The following KIF25 variants were observed in gnomAD, a reference collection of about 807,000 sequenced individuals.
KIF25 encodes the protein kinesin family member 25.
Under a neutral mutation model 32.9 loss-of-function variants are expected in KIF25, and 19 were observed. The ratio of observed to expected loss-of-function variants is 0.58; its 90% confidence interval spans 0.40 to 0.85. KIF25 has a LOEUF of 0.85. Ranked by LOEUF, KIF25 falls within the 40% of genes least tolerant of loss-of-function variation. The probability of loss-of-function intolerance (pLI) is 0.00; values close to 1 mark genes in which losing one functional copy is unlikely to be tolerated. For missense variants in KIF25, 485 were observed against 507.0 expected (o/e 0.96, Z 0.42); for synonymous variants, 225 against 213.7 (o/e 1.05, Z -0.46).
chr6:168,021,660 T>C (rs971368402), intron 5 of KIF25, among the ~76,000 whole-genome samples: 3 of 152,200 alleles, frequency 2.0e-5, no homozygotes, highest in Non-Finnish European at 4.4e-5. Flanking sequence ...ATCCTGAAAC[T>C]CCAAACCCAT....
chr6:168,005,224 C>A (rs541438375), intron 4 of KIF25, among the ~76,000 whole-genome samples: 25 of 152,260 alleles, frequency 1.6e-4, no homozygotes, highest in African/African-American at 6.0e-4. Flanking sequence ...TATAGGGGGG[C>A]AAACCTTCTC....
rs766598398 is a variant in KIF25 at position 168,042,549 on chromosome 6, G to A, written c.830-12G>A. On this transcript the variant is annotated splice_polypyrimidine_tract_variant and intron_variant, in intron 11 of 12. Transcript: ENST00000643607. ...GGTGCAAACGGTGATGGTGCGTGGC[G>A]GTCCTGTCCAGGTGTGTCTGGAGTG... is the stretch of plus-strand genomic sequence containing the variant. 60 of 1,609,006 alleles carry A rather than the reference G, an allele frequency of 3.7e-5. No homozygotes were observed. The highest frequency in any genetic ancestry group is 5.0e-5 in the Admixed American group (3 of 59,496).
chr6:168,041,292 C>T (rs1000517887), intron 10 of KIF25, among the ~76,000 whole-genome samples: 1 of 152,196 alleles, frequency 6.6e-6, no homozygotes. Context: ...GACAATAGCC[C>T]CTGGCCAGCC....
In KIF25 at chr6:168,002,260, C is replaced by T. The variant is rs11759400; in HGVS notation, c.-369-283C>T. Among the ~76,000 whole-genome samples the T allele has an allele frequency of 5.3e-5, 6 of 113,808 alleles. 1 individual carries two copies. The highest frequency in any genetic ancestry group is 2.2e-4 in the African/African-American group (6 of 27,884). The allele number at this position is 113,808 out of a possible 152,430, so 74.7% of individuals were successfully genotyped here. A position where few individuals can be genotyped will look rare whatever the true frequency, so the allele number is the denominator to read the frequency against. On this transcript the variant is annotated intron_variant, in intron 2 of 12. Coordinates refer to ENST00000643607, the MANE Select transcript of KIF25 (RefSeq NM_030615.4). The stretch of plus-strand genomic sequence containing the variant: ...GAGAAAGACACCTGAGGCATGGCCT[C>T]GGGCAGGTGAGAAGACACCTTCAGG...
intron 5 of KIF25, among the ~76,000 whole-genome samples, chr6:168,023,262 C>G (rs1798812408): frequency 1.4e-5 from 2 of 140,432 alleles, no homozygotes; most frequent in African/African-American, 5.2e-5. Context: ...AGGAAGTTTC[C>G]TTCTTCCTTT....
At chr6:168,010,306 G>A (rs1365658321) in intron 4 of KIF25, among the ~76,000 whole-genome samples, 1 of 151,890 alleles carries the variant, frequency 6.6e-6, no homozygotes, top group Non-Finnish European at 1.5e-5. Flanking sequence ...GTGTCCCATA[G>A]GTTTTGGTAT....
chr6:168,040,564 T>TA (rs552500284), intron 10 of KIF25, among the ~76,000 whole-genome samples: 2,337 of 146,080 alleles, frequency 0.016, 67 homozygotes, highest in African/African-American at 0.054. Flanking sequence ...AAAACTCTGT[T>TA]AAAAAAAAAA....
chr6:168,001,396 A>G lies in KIF25; in HGVS notation c.-369-1147A>G, dbSNP rs78924898. 6.2e-4 allele frequency among the ~76,000 whole-genome samples: 95 copies of G among 152,348 alleles called. No homozygotes were observed. In the East Asian group the frequency reaches 0.018, roughly 28 times the overall value. ...CCCCAGCGGTGATCAGCTTTCCTGA[A>G]CTTGCCTTTTACATGGCACTTCCAG... On this transcript the variant is annotated intron_variant, in intron 2 of 12. Transcript: ENST00000643607.
At chr6:168,019,551 C>G (rs1798760300) in intron 5 of KIF25, among the ~76,000 whole-genome samples, 1 of 152,104 alleles carries the variant, frequency 6.6e-6, no homozygotes, top group South Asian at 2.1e-4. Context: ...CAGAAATGAC[C>G]AACGTGAAAC....
chr6:168,009,927 C>T (rs2114872673), intron 4 of KIF25, among the ~76,000 whole-genome samples: 2 of 151,908 alleles, frequency 1.3e-5, no homozygotes, highest in East Asian at 3.9e-4. Context: ...ATCTCTTTTT[C>T]TGTTTCTGAT....
intron 5 of KIF25, among the ~76,000 whole-genome samples, chr6:168,028,120 G>T (rs1417303613): frequency 6.6e-6 from 1 of 152,048 alleles, no homozygotes; most frequent in African/African-American, 2.4e-5. Context: ...ATTTTATAAA[G>T]AATTGACCCC....
intron 4 of KIF25, among the ~76,000 whole-genome samples, 174 bp downstream of exon 4, chr6:168,003,877 T>C (rs1798539094): frequency 6.6e-6 from 1 of 152,168 alleles, no homozygotes; most frequent in Non-Finnish European, 1.5e-5. Context: ...GGAAACCAGC[T>C]CCTGACCCGT....
In KIF25 at chr6:168,042,567, C is replaced by G. The variant is rs751485147; in HGVS notation, c.836C>G (p.Ser279Cys). Residue 279 changes from serine to cysteine, a missense_variant, in exon 12 of 13, where the codon TCT becomes TGT. Coordinates refer to ENST00000643607, the MANE Select transcript of KIF25 (RefSeq NM_030615.4). ...DSAGSECVGV[S>C]GVTGLALREM... ...GCGTGGCGGTCCTGTCCAGGTGTGTCTGGAGTGACCGGGTTGGCCCTGAGG... is the reference window on the plus strand; with the variant it reads ...GCGTGGCGGTCCTGTCCAGGTGTGTGTGGAGTGACCGGGTTGGCCCTGAGG... 4 of 1,613,502 alleles carry G rather than the reference C, an allele frequency of 2.5e-6. No homozygotes were observed. In the Middle Eastern group the frequency reaches 5.0e-4, roughly 200 times the overall value.
intron 8 of KIF25, among the ~76,000 whole-genome samples, chr6:168,035,427 GA>G: frequency 4.2e-5 from 1 of 23,974 alleles, no homozygotes; most frequent in Non-Finnish European, 9.8e-5. Context: ...GCCGGGGCTG[GA>G]ACGGCGCGGC....
chr6:168,000,235 A>C (rs1273254272), intron 2 of KIF25, among the ~76,000 whole-genome samples: 4 of 65,888 alleles, frequency 6.1e-5, no homozygotes, highest in African/African-American at 6.3e-5. Context: ...GCCCCTCCCC[A>C]CTCCCATCCC....
intron 4 of KIF25, among the ~76,000 whole-genome samples, chr6:168,015,578 C>T (rs1266470477): frequency 6.6e-6 from 1 of 152,138 alleles, no homozygotes; most frequent in Non-Finnish European, 1.5e-5. Context: ...GAAGTGGCTC[C>T]AGATGGGCAG....
chr6:168,013,542 G>T (rs1456093359), intron 4 of KIF25, among the ~76,000 whole-genome samples: 1 of 152,136 alleles, frequency 6.6e-6, no homozygotes, highest in Non-Finnish European at 1.5e-5. Context: ...CACAGGGATG[G>T]CTGGGGGGTG....
chr6:168,008,266 G>A (rs1254026646), intron 4 of KIF25, among the ~76,000 whole-genome samples: 1 of 152,114 alleles, frequency 6.6e-6, no homozygotes, highest in Non-Finnish European at 1.5e-5. Flanking sequence ...TAAGAGGTGG[G>A]GGTCTAGTTT....
At chr6:168,018,553 T>TA (rs1161869602) in intron 5 of KIF25, among the ~76,000 whole-genome samples, 2 of 152,236 alleles carry the variant, frequency 1.3e-5, no homozygotes, top group African/African-American at 4.8e-5. Context: ...AGACATTTTT[T>TA]ATATATCCAG....
Sources: allele counts gnomAD v4.1 joint callset (sites outside exome capture counted in the v4.1 genomes callset), GRCh38; gene constraint gnomAD v4.1.1; transcripts MANE v1.5; gene names NCBI Gene and HGNC (gene_info 2026-07-23, HGNC 2026-07-21).